TTC28: variants seen among roughly 807,000 people sequenced by gnomAD.
The protein encoded by TTC28 is tetratricopeptide repeat protein 28.
Under a neutral mutation model 198.0 loss-of-function variants are expected in TTC28, and 61 were observed. The observed-to-expected ratio is 0.31, with a 90% CI of 0.25 to 0.38. The LOEUF is 0.38. Ranked by LOEUF, TTC28 falls within the 10% of genes least tolerant of loss-of-function variation. The probability of loss-of-function intolerance (pLI) is 1.00; values close to 1 mark genes in which losing one functional copy is unlikely to be tolerated. For missense variants in TTC28, 2,678 were observed against 3,164.0 expected (o/e 0.85, Z 3.69); for synonymous variants, 1,171 against 1,297.8 (o/e 0.90, Z 2.10).
At chr22:28,178,520 G>A (rs1228592676) in intron 5 of TTC28, among the ~76,000 whole-genome samples, 1 of 152,032 alleles carries the variant, frequency 6.6e-6, no homozygotes, top group Non-Finnish European at 1.5e-5. Flanking sequence ...ATATAAATTG[G>A]AGTTTTCCTC....
chr22:28,529,131 G>A (rs549773325), intron 2 of TTC28, among the ~76,000 whole-genome samples: 146 of 152,260 alleles, frequency 9.6e-4, no homozygotes, highest in Non-Finnish European at 1.6e-3. Context: ...CCCGGGAAGC[G>A]CAAGGGGTTG....
intron 5 of TTC28, among the ~76,000 whole-genome samples, chr22:28,193,076 C>T (rs1035567354): frequency 2.6e-5 from 4 of 152,188 alleles, no homozygotes; most frequent in African/African-American, 9.7e-5. Context: ...GCCCATCAGA[C>T]TAACAGCTGA....
At chr22:28,168,145 C>G (rs924555887) in intron 5 of TTC28, among the ~76,000 whole-genome samples, 2 of 152,146 alleles carry the variant, frequency 1.3e-5, no homozygotes, top group East Asian at 1.9e-4. Flanking sequence ...AGGAGAACTA[C>G]AAACCACTGC....
chr22:28,488,317 G>A (rs189471286), intron 2 of TTC28, among the ~76,000 whole-genome samples: 90 of 152,256 alleles, frequency 5.9e-4, no homozygotes, highest in Admixed American at 2.0e-3. Context: ...CAAAAAGCTG[G>A]AATGGACTTT....
intron 5 of TTC28, among the ~76,000 whole-genome samples, chr22:28,236,950 G>A (rs1601516041): frequency 6.6e-6 from 1 of 152,208 alleles, no homozygotes; most frequent in South Asian, 2.1e-4. Context: ...TTCCTTGCCT[G>A]AGAACCTATA....
At chr22:28,107,001 T>A in intron 7 of TTC28, 61 bp downstream of exon 7, 1 of 1,484,114 alleles carries the variant, frequency 6.7e-7, no homozygotes, top group Non-Finnish European at 9.0e-7. Context: ...AAGTTGCCTT[T>A]ACTGCCACAA....
In TTC28 at chr22:28,062,531, G is replaced by C. The variant is rs151049817; in HGVS notation, c.3932+31549C>G. 1.0e-2 allele frequency among the ~76,000 whole-genome samples: 1,481 copies of C among 148,258 alleles called. 24 individuals are homozygous for C. The highest frequency in any genetic ancestry group is 0.035 in the African/African-American group (1,418 of 40,240). ...GTCACCTAGGCCATAGTACAGTGATGCCATCGTAGCTCACTGTAGACTTGA... is the reference window on the plus strand; with the variant it reads ...GTCACCTAGGCCATAGTACAGTGATCCCATCGTAGCTCACTGTAGACTTGA... On this transcript the variant is annotated intron_variant, in intron 12 of 22. Coordinates refer to ENST00000397906, the MANE Select transcript of TTC28 (RefSeq NM_001145418.2).
intron 2 of TTC28, among the ~76,000 whole-genome samples, chr22:28,451,845 G>A (rs1433120862): frequency 6.6e-6 from 1 of 152,012 alleles, no homozygotes; most frequent in African/African-American, 2.4e-5. Flanking sequence ...GTGTAATTTT[G>A]CTATTATATA....
At chr22:28,541,226 C>T (rs2049404249) in intron 2 of TTC28, among the ~76,000 whole-genome samples, 1 of 152,156 alleles carries the variant, frequency 6.6e-6, no homozygotes, top group Non-Finnish European at 1.5e-5. Context: ...CAATAGGCAG[C>T]ACAAACGTGT....
At chr22:28,079,641 G>A (rs981665992) in intron 12 of TTC28, among the ~76,000 whole-genome samples, 6 of 152,126 alleles carry the variant, frequency 3.9e-5, no homozygotes, top group Non-Finnish European at 8.8e-5. Flanking sequence ...AAATCATGTA[G>A]TATTTGTCTT....
In TTC28 at chr22:28,108,042, G is replaced by A. The variant is rs780242279; in HGVS notation, c.1803C>T (p.Gly601=). The A allele has an allele frequency of 6.4e-7, 1 of 1,551,606 alleles. No homozygotes were observed. Among genetic ancestry groups the A allele is most frequent in the South Asian group, 1.2e-5 (1 of 84,036 alleles). The change falls in exon 7 of 23, where the codon GGC becomes GGT. Residue 601 remains glycine, a synonymous_variant. Transcript: ENST00000397906. Reference sequence around the variant, plus strand: ...ACTCTCCCCGAGAGCAGTGGAAATTGCCCAGGTTGCTGAGGGCCCGGGCCT... The same window carrying A: ...ACTCTCCCCGAGAGCAGTGGAAATTACCCAGGTTGCTGAGGGCCCGGGCCT... The part of the protein sequence containing the change: ...QSEARALSNL[G]NFHCSRGEYV...
At chr22:28,227,511 A>C (rs1188388450) in intron 5 of TTC28, among the ~76,000 whole-genome samples, 1 of 152,200 alleles carries the variant, frequency 6.6e-6, no homozygotes, top group Non-Finnish European at 1.5e-5. Context: ...TTATACCCAG[A>C]ATATGTAAAG....
At chr22:28,382,521 C>A (rs2046511997) in intron 2 of TTC28, among the ~76,000 whole-genome samples, 1 of 152,156 alleles carries the variant, frequency 6.6e-6, no homozygotes, top group Admixed American at 6.6e-5. Flanking sequence ...CCTTTGGTAA[C>A]TGTTCACAAA....
chr22:28,564,239 C>T (rs1293961178), intron 2 of TTC28, among the ~76,000 whole-genome samples: 6 of 152,166 alleles, frequency 3.9e-5, no homozygotes, highest in African/African-American at 1.4e-4. Flanking sequence ...TACACTAAAT[C>T]CCATGAATTG....
Position 28,272,889 on chromosome 22 carries a change from T to C in TTC28, c.933+23309A>G, listed in dbSNP as rs1569233210. Among the ~76,000 whole-genome samples, 3 of 152,178 alleles carry C rather than the reference T, an allele frequency of 2.0e-5. 1 individual carries two copies. Among genetic ancestry groups the C allele is most frequent in the Non-Finnish European group, 4.4e-5 (3 of 68,018 alleles). On this transcript the variant is annotated intron_variant, in intron 5 of 22. Transcript: ENST00000397906. ...AGCCACCACTACCCTCAAGACACTA[T>C]TTTATAAGTAGCATACACCTAGAGG...
In TTC28 at chr22:27,983,446, C is replaced by T. The variant is rs763343450; in HGVS notation, c.6221G>A (p.Arg2074Gln). ...GTGGTCTGGTGAGAAGCATGTGTTT[C>T]GGTTTTCTTGGTAGGTCGCCAAGGG... ...NEPLATYQEN[R>Q]NTCFSPDHKQ... The change falls in exon 23 of 23, where the codon CGA becomes CAA. Residue 2074 changes from arginine to glutamine, a missense_variant. By Grantham distance (43) the Arg-to-Gln change is conservative. This residue lies in a region of TTC28 where 622 missense variants were observed against 656.0 expected (regional missense o/e 0.95). Transcript: ENST00000397906. 9 of 1,546,744 alleles carry T rather than the reference C, an allele frequency of 5.8e-6. No homozygotes were observed. In the East Asian group the frequency reaches 9.8e-5, roughly 17 times the overall value.
intron 12 of TTC28, among the ~76,000 whole-genome samples, chr22:28,063,766 A>C (rs901913137): frequency 6.6e-6 from 1 of 152,104 alleles, no homozygotes; most frequent in Non-Finnish European, 1.5e-5. Context: ...TTTCTACCAC[A>C]TGTCTCTGTA....
chr22:28,448,708 T>G (rs1350911777), intron 2 of TTC28, among the ~76,000 whole-genome samples: 1 of 152,154 alleles, frequency 6.6e-6, no homozygotes, highest in African/African-American at 2.4e-5. Context: ...TAAAATAACT[T>G]GTTGCAGGAA....
chr22:28,569,930 T>C (rs1162715394), intron 2 of TTC28, among the ~76,000 whole-genome samples: 1 of 152,162 alleles, frequency 6.6e-6, no homozygotes, highest in Non-Finnish European at 1.5e-5. Flanking sequence ...GACATATACG[T>C]GACCAACAAG....
Sources: gnomAD v4.1 joint callset for allele counts (sites outside exome capture counted in the v4.1 genomes callset) on GRCh38, gnomAD v4.1.1 for gene constraint, gnomAD v4.1.1 regional missense constraint, MANE v1.5 for transcripts, NCBI Gene and HGNC (gene_info 2026-07-23, HGNC 2026-07-21) for gene names.